Variants in CYRIA observed in about 807,000 individuals in gnomAD.
CYRIA encodes CYFIP related Rac1 interactor A.
A neutral mutation model predicts 43.9 loss-of-function variants in CYRIA; 15 were observed. That is an observed-to-expected ratio of 0.34 (90% CI 0.23 to 0.53). The LOEUF is 0.53. Among genes scored for constraint, CYRIA ranks in the 20% least tolerant of loss-of-function variants. The pLI, the probability that CYRIA is intolerant of heterozygous loss-of-function variation, is 0.94. For synonymous variants in CYRIA, 117 were observed against 136.0 expected, an observed-to-expected ratio of 0.86 and a Z score of 0.97; for missense variants, 236 against 394.2, an observed-to-expected ratio of 0.60 and a Z score of 3.40.
chr2:16,649,531 T>C (rs1214364605), intron 1 of CYRIA, among the ~76,000 whole-genome samples: 1 of 151,214 alleles, frequency 6.6e-6, no homozygotes, highest in Non-Finnish European at 1.5e-5. Context: ...GGCATGGCTG[T>C]ACAGTACAGA....
intron 1 of CYRIA, among the ~76,000 whole-genome samples, chr2:16,635,777 A>C (rs775124665): frequency 6.6e-6 from 1 of 152,192 alleles, no homozygotes; most frequent in Non-Finnish European, 1.5e-5. Flanking sequence ...ATAGGAGTTG[A>C]AGCGTCTTGA....
At chr2:16,579,419 GCACACACA>G (rs35850813) in intron 3 of CYRIA, among the ~76,000 whole-genome samples, 4 of 147,334 alleles carry the variant, frequency 2.7e-5, no homozygotes, top group Admixed American at 6.8e-5. Context: ...ACATGCACAT[GCACACACA>G]CACACACACA....
chr2:16,608,249 G>A (rs1409296263), intron 2 of CYRIA, among the ~76,000 whole-genome samples: 5 of 152,162 alleles, frequency 3.3e-5, no homozygotes, highest in Admixed American at 6.5e-5. Context: ...TGAGAGAAAC[G>A]GGTCTGAGAA....
intron 1 of CYRIA, among the ~76,000 whole-genome samples, chr2:16,645,476 T>C (rs1208244889): frequency 6.6e-6 from 1 of 152,184 alleles, no homozygotes; most frequent in Non-Finnish European, 1.5e-5. Context: ...GTGCAGTATC[T>C]GATATGTAAT....
intron 3 of CYRIA, among the ~76,000 whole-genome samples, chr2:16,576,169 T>C (rs1039819373): frequency 2.6e-5 from 4 of 152,226 alleles, no homozygotes; most frequent in African/African-American, 9.6e-5. Context: ...ACGATATAGT[T>C]CCTGTCCTCA....
chr2:16,583,121 C>T (rs2103449807), intron 3 of CYRIA, among the ~76,000 whole-genome samples: 1 of 152,274 alleles, frequency 6.6e-6, no homozygotes, highest in South Asian at 2.1e-4. Flanking sequence ...TGATAGTGAA[C>T]ATCTTTTCAT....
intron 2 of CYRIA, among the ~76,000 whole-genome samples, chr2:16,614,595 T>C (rs1668717375): frequency 6.6e-6 from 1 of 152,192 alleles, no homozygotes; most frequent in Non-Finnish European, 1.5e-5. Flanking sequence ...GGCTATTTCT[T>C]CATTCCACTT....
chr2:16,638,387 C>T (rs954161888), intron 1 of CYRIA, among the ~76,000 whole-genome samples: 1 of 152,200 alleles, frequency 6.6e-6, no homozygotes, highest in Non-Finnish European at 1.5e-5. Flanking sequence ...CACCGGACTC[C>T]ACCTGTGTGA....
chr2:16,606,103 C>A (rs1189440307), intron 2 of CYRIA, among the ~76,000 whole-genome samples: 3 of 152,158 alleles, frequency 2.0e-5, no homozygotes. Context: ...CTTCTGTCCC[C>A]AGCTCCAGGC....
chr2:16,610,916 A>ATATATATATATAT (rs1483735348), intron 2 of CYRIA, among the ~76,000 whole-genome samples: 5 of 62,372 alleles, frequency 8.0e-5, no homozygotes, highest in African/African-American at 4.9e-4. Flanking sequence ...ATATATATAT[A>ATATATATATATAT]TATATATATA....
intron 2 of CYRIA, among the ~76,000 whole-genome samples, chr2:16,613,090 T>G (rs1276069385): frequency 6.6e-6 from 1 of 152,192 alleles, no homozygotes; most frequent in Non-Finnish European, 1.5e-5. Context: ...TTAAACCTCT[T>G]TCCTTTGTAA....
chr2:16,565,987 A>C (rs1162212238), intron 3 of CYRIA, among the ~76,000 whole-genome samples: 1 of 152,222 alleles, frequency 6.6e-6, no homozygotes, highest in Non-Finnish European at 1.5e-5. Flanking sequence ...TTTTATAGTC[A>C]TAAAACAAGC....
At chr2:16,664,111 T>A (rs1389474557) in intron 1 of CYRIA, among the ~76,000 whole-genome samples, 2 of 152,122 alleles carry the variant, frequency 1.3e-5, no homozygotes, top group East Asian at 3.9e-4. Context: ...CTTTGCCACA[T>A]TTGGTATCTA....
At chr2:16,618,089 C>T (rs1668866141) in intron 2 of CYRIA, among the ~76,000 whole-genome samples, 1 of 152,194 alleles carries the variant, frequency 6.6e-6, no homozygotes, top group African/African-American at 2.4e-5. Flanking sequence ...GAACTCTTTC[C>T]AGCTGGGCTA....
chr2:16,567,208 A>C (rs1666966025), intron 3 of CYRIA, among the ~76,000 whole-genome samples: 1 of 152,134 alleles, frequency 6.6e-6, no homozygotes, highest in Non-Finnish European at 1.5e-5. Flanking sequence ...GATCGAGGCC[A>C]ACCTGGCCAA....
intron 1 of CYRIA, among the ~76,000 whole-genome samples, chr2:16,644,657 T>G (rs563982323): frequency 6.6e-6 from 1 of 152,340 alleles, no homozygotes; most frequent in South Asian, 2.1e-4. Context: ...CGGGCTCTGA[T>G]TAAGTCAGAA....
At chr2:16,646,312 G>GCTGT (rs1212543459) in intron 1 of CYRIA, among the ~76,000 whole-genome samples, 1 of 152,158 alleles carries the variant, frequency 6.6e-6, no homozygotes, top group Non-Finnish European at 1.5e-5. Flanking sequence ...GTACAAATAT[G>GCTGT]ACCATTTTCC....
chr2:16,617,448 C>T (rs567896344), intron 2 of CYRIA, among the ~76,000 whole-genome samples: 6 of 152,362 alleles, frequency 3.9e-5, no homozygotes, highest in Non-Finnish European at 7.4e-5. Context: ...CCTGCCAAGC[C>T]GGTTCTCCTA....
intron 3 of CYRIA, 114 bp from the exon 4 acceptor site, chr2:16,565,881 G>A (rs1666911738): frequency 1.9e-6 from 2 of 1,042,906 alleles, no homozygotes; most frequent in Non-Finnish European, 2.6e-6. Context: ...TGCTGCTCTG[G>A]TATTTACTCT....
Sources: gnomAD v4.1 joint callset for allele counts (sites outside exome capture counted in the v4.1 genomes callset) on GRCh38, gnomAD v4.1.1 for gene constraint, MANE v1.5 for transcripts, NCBI Gene and HGNC (gene_info 2026-07-23, HGNC 2026-07-21) for gene names.